The following IL1RL2 variants were observed in gnomAD, a reference collection of about 807,000 sequenced individuals.
IL1RL2 encodes interleukin-1 receptor-like 2.
In IL1RL2, 68 loss-of-function variants were observed where a neutral mutation model predicts 66.8. The observed-to-expected ratio is 1.02, with a 90% CI of 0.84 to 1.25. IL1RL2 has a LOEUF of 1.25. IL1RL2 is among the 50% of genes most tolerant of loss of function. The pLI, the probability that IL1RL2 is intolerant of heterozygous loss-of-function variation, is 0.00. For synonymous variants in IL1RL2, 305 were observed against 264.6 expected (o/e 1.15, Z -1.48); for missense variants, 729 against 709.3 (o/e 1.03, Z -0.32).
intron 5 of IL1RL2, among the ~76,000 whole-genome samples, chr2:102,205,972 G>A (rs55935523): frequency 0.28 from 42,584 of 151,644 alleles, 6,601 homozygotes; most frequent in East Asian, 0.39. Flanking sequence ...CAGATAGCCT[G>A]TCTTCCAGCC....
At chr2:102,201,465 C>G (rs560493967) in intron 4 of IL1RL2, 91 bp from the exon 5 acceptor site, 2 of 1,186,578 alleles carry the variant, frequency 1.7e-6, no homozygotes, top group African/African-American at 3.0e-5. Flanking sequence ...TATCTGTTGT[C>G]TTCCAGTTAG....
chr2:102,233,171 C>G (rs539812220), intron 10 of IL1RL2, 47 bp downstream of exon 10: 3 of 1,546,922 alleles, frequency 1.9e-6, no homozygotes, highest in African/African-American at 1.4e-5. Context: ...AGAAGGAAAG[C>G]GACCCCTCTG....
chr2:102,201,793 G>A, intron 5 of IL1RL2, 78 bp downstream of exon 5: 3 of 1,407,152 alleles, frequency 2.1e-6, no homozygotes, highest in East Asian at 2.5e-5. Context: ...TGGGTTTTGG[G>A]CTTTGAGCAG....
intron 4 of IL1RL2, among the ~76,000 whole-genome samples, chr2:102,198,238 A>T (rs2310235): frequency 0.27 from 40,512 of 152,026 alleles, 6,347 homozygotes; most frequent in East Asian, 0.38. Context: ...GAAAGTAATA[A>T]ATTTAATTTT....
rs1422805877 is a variant in IL1RL2 at position 102,239,632 on chromosome 2, G to A, written c.*391G>A. On this transcript the variant is annotated 3_prime_UTR_variant, in exon 12 of 12. Coordinates refer to ENST00000264257, the MANE Select transcript of IL1RL2 (RefSeq NM_003854.4). ...GGGTGGTCATCCACATGGTCATAGT[G>A]GGTGAGAGCTGGGGGTATCCCTACA... 4.9e-5 allele frequency: 11 copies of A among 224,430 alleles called. No homozygotes were observed. The allele number at this position is 224,430 out of a possible 1,614,324, so 13.9% of individuals were successfully genotyped here. A position where few individuals can be genotyped will look rare whatever the true frequency, so the allele number is the denominator to read the frequency against.
chr2:102,224,199 C>T (rs1690397378), intron 8 of IL1RL2, among the ~76,000 whole-genome samples: 1 of 152,090 alleles, frequency 6.6e-6, no homozygotes, highest in African/African-American at 2.4e-5. Flanking sequence ...CCATATGATC[C>T]AGCAATCCTA....
At chr2:102,196,996 T>C (rs1687842854) in intron 4 of IL1RL2, among the ~76,000 whole-genome samples, 1 of 152,160 alleles carries the variant, frequency 6.6e-6, no homozygotes, top group Non-Finnish European at 1.5e-5. Context: ...TCATTTGGAC[T>C]ATCCTAGAAA....
At chr2:102,198,522 G>A (rs941239470) in intron 4 of IL1RL2, among the ~76,000 whole-genome samples, 3 of 152,126 alleles carry the variant, frequency 2.0e-5, no homozygotes, top group African/African-American at 4.8e-5. Context: ...GTTACTTCGC[G>A]CTCTTCAGTT....
intron 9 of IL1RL2, among the ~76,000 whole-genome samples, chr2:102,232,692 G>A (rs1168377280): frequency 6.6e-6 from 1 of 152,120 alleles, no homozygotes; most frequent in Non-Finnish European, 1.5e-5. Context: ...CGTGGGGTAG[G>A]GGTAGGGTTA....
chr2:102,240,386 TTTGAGACA>T (rs1383049950), downstream of IL1RL2, among the ~76,000 whole-genome samples: 7 of 147,100 alleles, frequency 4.8e-5, no homozygotes, highest in African/African-American at 1.8e-4. Flanking sequence ...TTTTTTTTTT[TTTGAGACA>T]GAGTTTCGCT....
intron 10 of IL1RL2, 147 bp from the exon 11 acceptor site, chr2:102,234,750 G>A (rs1260280147): frequency 4.3e-6 from 3 of 696,660 alleles, no homozygotes; most frequent in Non-Finnish European, 7.1e-6. Flanking sequence ...TTGCATCCCT[G>A]CACTCCAACC....
chr2:102,230,410 T>C (rs1040094428), intron 9 of IL1RL2, among the ~76,000 whole-genome samples: 5 of 152,216 alleles, frequency 3.3e-5, no homozygotes, highest in Non-Finnish European at 4.4e-5. Flanking sequence ...TGTTGGGTTT[T>C]TGCCAATTCA....
intron 10 of IL1RL2, among the ~76,000 whole-genome samples, chr2:102,234,491 T>G (rs1674666397): frequency 6.6e-6 from 1 of 152,184 alleles, no homozygotes; most frequent in Non-Finnish European, 1.5e-5. Flanking sequence ...CTAAGTCATG[T>G]TTATTTTAAA....
Position 102,187,023 on chromosome 2 carries a change from G to T in IL1RL2, c.-76G>T. 1 of 1,289,778 alleles carries T rather than the reference G, an allele frequency of 7.8e-7. No individual in the cohort carries two copies. The allele number at this position is 1,289,778 out of a possible 1,614,324, so 79.9% of individuals were successfully genotyped here. A position where few individuals can be genotyped will look rare whatever the true frequency, so the allele number is the denominator to read the frequency against. ...CTAGGCATGGAAGTGGCATGACAGG[G>T]CTCGTGTCCCTGTCATATTTTCCAC... On this transcript the variant is annotated 5_prime_UTR_variant, in exon 1 of 12. Coordinates refer to ENST00000264257, the MANE Select transcript of IL1RL2 (RefSeq NM_003854.4).
chr2:102,226,606 C>T (rs1227577251), intron 9 of IL1RL2, among the ~76,000 whole-genome samples: 1 of 151,590 alleles, frequency 6.6e-6, no homozygotes, highest in Non-Finnish European at 1.5e-5. Context: ...TTCTATTTCT[C>T]AGCTATAGAA....
chr2:102,200,349 A>G (rs1357910228), intron 4 of IL1RL2, among the ~76,000 whole-genome samples: 2 of 152,194 alleles, frequency 1.3e-5, no homozygotes, highest in East Asian at 3.8e-4. Context: ...CTTGTTTGGC[A>G]TTAATTATTT....
chr2:102,226,505 C>T (rs1010699928), intron 9 of IL1RL2, among the ~76,000 whole-genome samples: 2 of 152,202 alleles, frequency 1.3e-5, no homozygotes, highest in African/African-American at 4.8e-5. Flanking sequence ...TTTAAGTCTT[C>T]AACTCTCAGA....
chr2:102,214,907 G>A (rs559231167), intron 6 of IL1RL2, among the ~76,000 whole-genome samples: 1 of 152,302 alleles, frequency 6.6e-6, no homozygotes, highest in Non-Finnish European at 1.5e-5. Flanking sequence ...CGTGTCTGAA[G>A]GAGGGCGCTG....
At chr2:102,216,428 T>C (rs982964826) in intron 6 of IL1RL2, among the ~76,000 whole-genome samples, 1 of 152,192 alleles carries the variant, frequency 6.6e-6, no homozygotes. Flanking sequence ...TCACTTTTCG[T>C]GTATATGTAT....
Sources: gnomAD v4.1 joint callset for allele counts (sites outside exome capture counted in the v4.1 genomes callset) on GRCh38, gnomAD v4.1.1 for gene constraint, MANE v1.5 for transcripts, NCBI Gene and HGNC (gene_info 2026-07-23, HGNC 2026-07-21) for gene names.